The following TTN variants were observed in gnomAD, a reference collection of about 807,000 sequenced individuals.
The protein encoded by TTN is titin.
Under a neutral mutation model 3,223.0 loss-of-function variants are expected in TTN, and 1,525 were observed. The observed-to-expected ratio is 0.47, with a 90% CI of 0.45 to 0.49. TTN has a LOEUF of 0.49. TTN is among the 20% of genes least tolerant of loss of function. TTN has a pLI of 0.00. For missense variants in TTN, 40,786 were observed against 43,424.0 expected, an observed-to-expected ratio of 0.94 and a Z score of 5.40; for synonymous variants, 14,094 against 15,161.0, an observed-to-expected ratio of 0.93 and a Z score of 5.17.
chr2:178,584,797 G>A lies in TTN; in HGVS notation c.64844C>T (p.Thr21615Ile). ...GDWVTALASVTKTSCRVGKLI... is the reference protein window; with the variant it reads ...GDWVTALASVIKTSCRVGKLI... ...CTTTCCAACCCTGCAGGAAGTTTTT[G>A]TGACTGAAGCTAGAGCCGTGACCCA... The change falls in exon 310 of 363, where the codon ACA (threonine) becomes ATA (isoleucine). Residue 21615 changes from threonine (T) to isoleucine (I), a missense_variant. Physicochemically the swap from Thr to Ile is moderately conservative, Grantham distance 89. Coordinates refer to ENST00000589042, the MANE Select transcript of TTN (RefSeq NM_001267550.2). The A allele has an allele frequency of 1.9e-6, 3 of 1,613,432 alleles. No individual in the cohort carries two copies. The highest frequency in any genetic ancestry group is 1.7e-6 in the Non-Finnish European group (2 of 1,179,546).
chr2:178,645,207 T>C (rs2061742498), intron 217 of TTN: 1 of 152,140 alleles, frequency 6.6e-6, no homozygotes, highest in Non-Finnish European at 1.5e-5. Flanking sequence ...AAGAAACTGA[T>C]ATTTTTAAAA....
chr2:178,652,407 T>C (rs2063187219), intron 202 of TTN, 51 bp downstream of exon 202: 3 of 1,612,794 alleles, frequency 1.9e-6, no homozygotes, highest in South Asian at 1.1e-5. Context: ...AAAAATACTT[T>C]CCAGAGCAGA....
chr2:178,799,151 G>A (rs1214645435), intron 6 of TTN: 3 of 321,142 alleles, frequency 9.3e-6, no homozygotes, highest in Non-Finnish European at 6.0e-6. Context: ...AGCGAGGCCT[G>A]TGCCCATGGA....
rs773846604 is a variant in TTN, at chr2:178,590,788, C to T, written c.60937G>A (p.Val20313Ile). The T allele has an allele frequency of 2.5e-6, 4 of 1,607,494 alleles. No homozygotes were observed. Among genetic ancestry groups the T allele is most frequent in the Non-Finnish European group, 3.4e-6 (4 of 1,174,962 alleles). The part of the protein sequence containing the change: ...ITGYYMERRE[V>I]TGKWVRVNKT... ...TTGACCCTCACCCATTTGCCAGTTA[C>T]TTCTCGACGTTCCATATAGTAGCCA... is the stretch of plus-strand genomic sequence containing the variant. The change falls in exon 304 of 363, where the codon GTA becomes ATA. Residue 20313 changes from valine to isoleucine, a missense_variant. Transcript: ENST00000589042.
At position 178,727,146 on chromosome 2, in the gene TTN, C is replaced by T. The variant is rs1414995502; in HGVS notation, c.20219G>A (p.Cys6740Tyr). 1.2e-6 allele frequency: 2 copies of T among 1,605,360 alleles called. No individual in the cohort carries two copies. The highest frequency in any genetic ancestry group is 1.7e-6 in the Non-Finnish European group (2 of 1,174,484). ...GCTGCCAGCGGGATTCTGAGCCTCA[C>T]AAATGAAATCTCCACTGTCCTCAGT... The part of the protein sequence containing the change: ...LSTEDSGDFI[C>Y]EAQNPAGSTS... The change falls in exon 69 of 363, where the codon TGT (cysteine) becomes TAT (tyrosine). Residue 6740 changes from cysteine to tyrosine, a missense_variant. Coordinates refer to ENST00000589042, the MANE Select transcript of TTN (RefSeq NM_001267550.2).
intron 316 of TTN, 155 bp from the exon 317 acceptor site, chr2:178,580,764 G>T: frequency 1.3e-6 from 1 of 758,922 alleles, no homozygotes; most frequent in Non-Finnish European, 2.1e-6. Flanking sequence ...TCATTTTTCT[G>T]TTCTGTACTA....
At chr2:178,672,745 A>G in intron 152 of TTN, 42 bp from the exon 153 acceptor site, 2 of 1,488,352 alleles carry the variant, frequency 1.3e-6, no homozygotes, top group Non-Finnish European at 9.1e-7. Context: ...AGAATGTTCA[A>G]TAACACACAT....
At chr2:178,682,164 AT>A (rs1243655615) in intron 135 of TTN, among the ~76,000 whole-genome samples, 1 of 152,058 alleles carries the variant, frequency 6.6e-6, no homozygotes. Flanking sequence ...CCCAAACTAT[AT>A]GCCAACAAAT....
Position 178,571,925 on chromosome 2 carries a change from T to C in TTN, c.74207A>G (p.Asp24736Gly), listed in dbSNP as rs762510108. Residue 24736 changes from aspartate to glycine, a missense_variant, in exon 326 of 363, where the codon GAT becomes GGT. Coordinates refer to ENST00000589042, the MANE Select transcript of TTN (RefSeq NM_001267550.2). ...GGTAGGGCGGCCAATGAATGGAACA[T>C]CAACTTTTAGGTCTTCACCTGCCAG... ...TVLAGEDLKV[D>G]VPFIGRPTPA... is the part of the protein sequence containing the mutation. 4 of 1,613,118 alleles carry C rather than the reference T, an allele frequency of 2.5e-6. No homozygotes were observed. Among genetic ancestry groups the C allele is most frequent in the Non-Finnish European group, 3.4e-6 (4 of 1,179,554 alleles).
intron 333 of TTN, 34 bp downstream of exon 333, chr2:178,553,878 GAC>G: frequency 1.3e-6 from 2 of 1,564,044 alleles, no homozygotes; most frequent in Non-Finnish European, 1.7e-6. Flanking sequence ...GAATATAGAA[GAC>G]ACAGGTGAAG....
chr2:178,703,279 T>C (rs1395569124), intron 106 of TTN, among the ~76,000 whole-genome samples: 3 of 152,150 alleles, frequency 2.0e-5, no homozygotes, highest in African/African-American at 7.2e-5. Context: ...AACAGTACCA[T>C]AAAGTCTTAG....
Position 178,593,873 on chromosome 2 carries a change from G to T in TTN, c.58433-6C>A. 6.6e-7 allele frequency: 1 copy of T among 1,504,352 alleles called. No individual in the cohort carries two copies. Among genetic ancestry groups the T allele is most frequent in the Non-Finnish European group, 9.1e-7 (1 of 1,104,908 alleles). 93.2% of individuals were successfully genotyped at this position (1,504,352 alleles called of 1,614,324 possible). A position where few individuals can be genotyped will look rare whatever the true frequency, so the allele number is the denominator to read the frequency against. ...TACTGGTGGTCCAGGACGGTCTGCA[G>T]AAAAAAAAAATCATGGCACAAAATG... On this transcript the variant is annotated splice_region_variant and splice_polypyrimidine_tract_variant and intron_variant, in intron 297 of 362. Transcript: ENST00000589042.
Position 178,789,449 on chromosome 2 carries a change from T to C in TTN, c.1987A>G (p.Thr663Ala). 6.2e-7 allele frequency: 1 copy of C among 1,613,534 alleles called. No homozygotes were observed. Among genetic ancestry groups the C allele is most frequent in the Non-Finnish European group, 8.5e-7 (1 of 1,179,600 alleles). The change falls in exon 13 of 363, where the codon ACT (threonine) becomes GCT (alanine). Residue 663 changes from threonine to alanine, a missense_variant. Coordinates refer to ENST00000589042, the MANE Select transcript of TTN (RefSeq NM_001267550.2). ...GTTTCTTGTTCTTTGGCTTTAGCAG[T>C]AGCAACTGCTATTGTAGACAAGGCA... ...KTALSTIAVA[T>A]AKAKEQETIL...
rs1575865334 is a variant in TTN, at chr2:178,579,248, G to A, written c.67782C>T (p.Asp22594=). 1 of 1,613,432 alleles carries A rather than the reference G, an allele frequency of 6.2e-7. No homozygotes were observed. The highest frequency in any genetic ancestry group is 8.5e-7 in the Non-Finnish European group (1 of 1,179,546). Residue 22594 remains aspartate, a synonymous_variant, in exon 320 of 363, where the codon GAC becomes GAT. Transcript: ENST00000589042. The part of the protein sequence containing the change: ...WKKGEDPLAT[D]TRVSVESSAV... ...CAGATGACTCAACACTGACTCTAGTGTCAGTTGCTAGAGGATCTTCCCCTT... is the reference window on the plus strand; with the variant it reads ...CAGATGACTCAACACTGACTCTAGTATCAGTTGCTAGAGGATCTTCCCCTT...
chr2:178,718,080 G>T lies in TTN; in HGVS notation c.24926C>A (p.Ala8309Glu), dbSNP rs186598275. ...GTTATTTTTGAATTGCATTTTATAT[G>T]CAGGAGCTGATCGTAGCTTTGTGTG... ...KEHTKLRSAP[A>E]YKMQFKNNVA... Residue 8309 changes from alanine (A) to glutamate (E), a missense_variant, in exon 86 of 363, where the codon GCA becomes GAA. Transcript: ENST00000589042. 6.2e-7 allele frequency: 1 copy of T among 1,613,594 alleles called. No homozygotes were observed. Among genetic ancestry groups the T allele is most frequent in the East Asian group, 2.2e-5 (1 of 44,864 alleles).
chr2:178,582,427 A>T lies in TTN; in HGVS notation c.66029T>A (p.Val22010Glu). 2 of 1,612,934 alleles carry T rather than the reference A, an allele frequency of 1.2e-6. No individual in the cohort carries two copies. The highest frequency in any genetic ancestry group is 1.7e-6 in the Non-Finnish European group (2 of 1,179,374). Residue 22010 changes from valine to glutamate, a missense_variant, in exon 314 of 363, where the codon GTG becomes GAG. Physicochemically the swap from Val to Glu is moderately radical, Grantham distance 121. Transcript: ENST00000589042. ...CTCCACGCTGCAGCTGGTGATAGGC[A>T]CAGTTGCAGAGACTTGAGCCCAGTT... The part of the protein sequence containing the change: ...RPNWAQVSAT[V>E]PITSCSVEKL...
Position 178,565,666 on chromosome 2 carries a change from T to C in TTN, c.80466A>G (p.Lys26822=). The change falls in exon 326 of 363, where the codon AAA becomes AAG. Residue 26822 remains lysine, a synonymous_variant. Coordinates refer to ENST00000589042, the MANE Select transcript of TTN (RefSeq NM_001267550.2). ...VLGYVVEMQP[K]GTEKWSIVAE... ...CCACAATGCTCCATTTTTCAGTTCC[T>C]TTGGGCTGCATTTCAACAACGTACC... is the stretch of plus-strand genomic sequence containing the variant. 6.2e-7 allele frequency: 1 copy of C among 1,613,646 alleles called. No homozygotes were observed. Among genetic ancestry groups the C allele is most frequent in the Non-Finnish European group, 8.5e-7 (1 of 1,179,652 alleles).
At position 178,560,532 on chromosome 2, in the gene TTN, C is replaced by T; in HGVS notation, c.85600G>A (p.Gly28534Ser). The change falls in exon 326 of 363, where the codon GGT (glycine) becomes AGT (serine). Residue 28534 changes from glycine (G) to serine (S), a missense_variant. By Grantham distance (56) the Gly-to-Ser change is moderately conservative (BLOSUM62 0). Coordinates refer to ENST00000589042, the MANE Select transcript of TTN (RefSeq NM_001267550.2). ...ATAGCTACACTCTCTAGGGGCTCAC[C>T]AACACCATATTTATTAACACCAGTT... Reference protein sequence around the residue: ...RVTGVNKYGVGEPLESVAIKA... With the variant: ...RVTGVNKYGVSEPLESVAIKA... 4 of 1,613,194 alleles carry T rather than the reference C, an allele frequency of 2.5e-6. No homozygotes were observed. Among genetic ancestry groups the T allele is most frequent in the Non-Finnish European group, 3.4e-6 (4 of 1,179,604 alleles).
At position 178,562,132 on chromosome 2, in the gene TTN, A is replaced by G. The variant is rs1703905944; in HGVS notation, c.84000T>C (p.Gly28000=). 6.2e-7 allele frequency: 1 copy of G among 1,613,260 alleles called. No individual in the cohort carries two copies. Among genetic ancestry groups the G allele is most frequent in the Non-Finnish European group, 8.5e-7 (1 of 1,179,596 alleles). Residue 28000 remains glycine (G), a synonymous_variant, in exon 326 of 363, where the codon GGT becomes GGC. Transcript: ENST00000589042. ...CTCTAGTTGTCTCTTTAAGAGTCTG[A>G]CCATCTTTTCTCCAGTTCACAGTAG... ...PQATVNWRKD[G]QTLKETTRVN...
Sources: gnomAD v4.1 joint callset for allele counts (sites outside exome capture counted in the v4.1 genomes callset) on GRCh38, gnomAD v4.1.1 for gene constraint, MANE v1.5 for transcripts, NCBI Gene and HGNC (gene_info 2026-07-23, HGNC 2026-07-21) for gene names.